Variants in EDIL3 observed in about 807,000 individuals in gnomAD.
EDIL3 encodes the protein EGF like and discoidin domains 3.
Under a neutral mutation model 67.4 loss-of-function variants are expected in EDIL3, and 37 were observed. The ratio of observed to expected loss-of-function variants is 0.55; its 90% CI spans 0.42 to 0.72. The LOEUF is 0.72. EDIL3 is among the 30% of genes least tolerant of loss of function. The pLI, the probability that EDIL3 is intolerant of heterozygous loss-of-function variation, is 0.00. For synonymous variants in EDIL3, 195 were observed against 196.3 expected, an observed-to-expected ratio of 0.99 and a Z score of 0.05; for missense variants, 527 against 586.3, an observed-to-expected ratio of 0.90 and a Z score of 1.04.
chr5:84,381,010 AAT>A (rs1748065176), intron 1 of EDIL3, among the ~76,000 whole-genome samples: 1 of 152,098 alleles, frequency 6.6e-6, no homozygotes, highest in South Asian at 2.1e-4. Flanking sequence ...TATTTGAGAA[AAT>A]TATGACATAG....
intron 2 of EDIL3, among the ~76,000 whole-genome samples, chr5:84,251,563 C>G (rs1361961794): frequency 2.6e-5 from 4 of 152,050 alleles, no homozygotes; most frequent in African/African-American, 9.7e-5. Context: ...ACTATGCAAT[C>G]AATATTTAGT....
intron 10 of EDIL3, among the ~76,000 whole-genome samples, chr5:83,956,888 A>AAAAT (rs1232245708): frequency 6.6e-6 from 1 of 151,754 alleles, no homozygotes; most frequent in Non-Finnish European, 1.5e-5. Context: ...TATGCAAATT[A>AAAAT]AAATAAATAA....
At chr5:84,002,607 A>C (rs1580273848) in intron 9 of EDIL3, among the ~76,000 whole-genome samples, 1 of 152,220 alleles carries the variant, frequency 6.6e-6, no homozygotes, top group Non-Finnish European at 1.5e-5. Flanking sequence ...AAAATCAACA[A>C]ACAAAAATCA....
chr5:84,273,129 G>T (rs1300247460), intron 1 of EDIL3, among the ~76,000 whole-genome samples: 1 of 152,114 alleles, frequency 6.6e-6, no homozygotes, highest in Non-Finnish European at 1.5e-5. Context: ...TCCAGAAGAA[G>T]TCAGGGAGTA....
rs1290961107 is a variant in EDIL3, at chr5:84,327,293, AT to A, written c.67+57014del. 1.3e-5 allele frequency among the ~76,000 whole-genome samples: 2 copies of A among 151,648 alleles called. 1 individual carries two copies. Among genetic ancestry groups the A allele is most frequent in the South Asian group, 4.2e-4 (2 of 4,812 alleles). The stretch of plus-strand genomic sequence containing the variant: ...GCCTTTTTAATTGTTCCTACTGTTC[AT>A]TTTTTCAGCTTAATGAAACCATTCT... On this transcript the variant is annotated intron_variant, in intron 1 of 10. Coordinates refer to ENST00000296591, the MANE Select transcript of EDIL3 (RefSeq NM_005711.5).
chr5:84,214,238 T>C (rs544560068), intron 3 of EDIL3, among the ~76,000 whole-genome samples: 34 of 152,246 alleles, frequency 2.2e-4, no homozygotes, highest in African/African-American at 7.9e-4. Flanking sequence ...CAAAGATCAA[T>C]GTAATGGATT....
At chr5:84,019,264 A>G (rs1223382633) in intron 9 of EDIL3, among the ~76,000 whole-genome samples, 1 of 152,152 alleles carries the variant, frequency 6.6e-6, no homozygotes, top group African/African-American at 2.4e-5. Context: ...ATGAAGCTGG[A>G]AACCATCATT....
At chr5:84,215,819 G>A (rs1744216257) in intron 3 of EDIL3, among the ~76,000 whole-genome samples, 1 of 152,306 alleles carries the variant, frequency 6.6e-6, no homozygotes, top group Admixed American at 6.5e-5. Flanking sequence ...TATAGAAAAG[G>A]AAGGACAGGG....
At chr5:84,132,077 AC>A (rs1053610107) in intron 5 of EDIL3, among the ~76,000 whole-genome samples, 1 of 150,288 alleles carries the variant, frequency 6.7e-6, no homozygotes, top group Admixed American at 6.7e-5. Context: ...TACTAAAAAT[AC>A]AAAAAAAATA....
At chr5:84,191,720 T>C (rs1439069581) in intron 3 of EDIL3, among the ~76,000 whole-genome samples, 1 of 151,122 alleles carries the variant, frequency 6.6e-6, no homozygotes, top group Non-Finnish European at 1.5e-5. Context: ...CAAACCAATA[T>C]TTTTTTTAAA....
intron 1 of EDIL3, among the ~76,000 whole-genome samples, chr5:84,301,925 T>C (rs750271161): frequency 6.6e-6 from 1 of 152,212 alleles, no homozygotes; most frequent in East Asian, 1.9e-4. Context: ...AGAGTTTTCA[T>C]CATATTATCA....
intron 9 of EDIL3, among the ~76,000 whole-genome samples, chr5:83,984,588 T>G (rs954456325): frequency 6.6e-6 from 1 of 152,096 alleles, no homozygotes; most frequent in Non-Finnish European, 1.5e-5. Flanking sequence ...AGAGTTTATA[T>G]GGCAGGGCTT....
chr5:84,012,295 T>G (rs1047876127), intron 9 of EDIL3, among the ~76,000 whole-genome samples: 1 of 152,126 alleles, frequency 6.6e-6, no homozygotes, highest in African/African-American at 2.4e-5. Context: ...TCTAAATCTG[T>G]TTTTGGTTTG....
chr5:83,949,757 G>T (rs140761590), intron 10 of EDIL3, among the ~76,000 whole-genome samples: 3 of 151,734 alleles, frequency 2.0e-5, no homozygotes, highest in Admixed American at 6.6e-5. Flanking sequence ...TGTGTAATAC[G>T]AGTGTGCAGT....
intron 1 of EDIL3, among the ~76,000 whole-genome samples, chr5:84,274,477 C>A (rs1168397574): frequency 2.6e-5 from 4 of 151,964 alleles, no homozygotes; most frequent in Admixed American, 2.6e-4. Flanking sequence ...CATTCTAGAC[C>A]AATTTTCACA....
At chr5:84,049,354 A>C (rs990740842) in intron 9 of EDIL3, among the ~76,000 whole-genome samples, 1 of 152,202 alleles carries the variant, frequency 6.6e-6, no homozygotes, top group African/African-American at 2.4e-5. Context: ...GAGGTACACA[A>C]TCCACCAGAA....
chr5:84,262,462 G>GA (rs551993372), intron 1 of EDIL3, among the ~76,000 whole-genome samples: 2 of 151,650 alleles, frequency 1.3e-5, no homozygotes, highest in Non-Finnish European at 2.9e-5. Context: ...ACTGAGTTAA[G>GA]AAAAAAATCA....
Position 84,223,416 on chromosome 5 carries a change from CTT to C in EDIL3, c.226+6437_226+6438del, listed in dbSNP as rs537299988. Among the ~76,000 whole-genome samples the C allele has an allele frequency of 2.6e-5, 4 of 151,566 alleles. No individual in the cohort carries two copies. The East Asian group carries it at 7.7e-4, about 29-fold the overall frequency. Reference sequence around the variant, plus strand: ...CATTGATTAATTAATAGATAAGAAACTTATATAATGGAATATTATTAAGCCTT... The same window carrying C: ...CATTGATTAATTAATAGATAAGAAACATATAATGGAATATTATTAAGCCTT... On this transcript the variant is annotated intron_variant, in intron 3 of 10. Transcript: ENST00000296591.
chr5:84,018,207 C>T (rs1302384970), intron 9 of EDIL3, among the ~76,000 whole-genome samples: 1 of 152,150 alleles, frequency 6.6e-6, no homozygotes, highest in African/African-American at 2.4e-5. Flanking sequence ...TGCTTTGCAT[C>T]TTTCTAAATA....
Sources: allele counts gnomAD v4.1 joint callset (sites outside exome capture counted in the v4.1 genomes callset), GRCh38; gene constraint gnomAD v4.1.1; transcripts MANE v1.5; gene names NCBI Gene and HGNC (gene_info 2026-07-23, HGNC 2026-07-21).